SRBD1: variants seen among roughly 807,000 people sequenced by gnomAD.
SRBD1 encodes the protein S1 RNA-binding domain-containing protein 1.
In SRBD1, 88 loss-of-function variants were observed where a neutral mutation model predicts 115.3. That is an observed-to-expected ratio of 0.76 (90% CI 0.64 to 0.91). The LOEUF (loss-of-function observed/expected upper bound fraction) is 0.91. SRBD1 is among the 40% of genes least tolerant of loss of function. The pLI, the probability that SRBD1 is intolerant of heterozygous loss-of-function variation, is 0.00. For synonymous variants in SRBD1, 509 were observed against 407.7 expected (o/e 1.25, Z -2.99); for missense variants, 1,385 against 1,177.4 (o/e 1.18, Z -2.58).
chr2:45,559,659 G>A (rs1449682916), intron 10 of SRBD1, among the ~76,000 whole-genome samples: 2 of 151,872 alleles, frequency 1.3e-5, no homozygotes, highest in Non-Finnish European at 2.9e-5. Flanking sequence ...GGAACTAGAA[G>A]ATTCATCAAG....
chr2:45,393,915 T>G (rs1667074568), intron 19 of SRBD1, among the ~76,000 whole-genome samples: 1 of 152,224 alleles, frequency 6.6e-6, no homozygotes, highest in East Asian at 1.9e-4. Flanking sequence ...CTGTATACCC[T>G]TGATGGCAGT....
At chr2:45,609,099 G>C (rs181220612) in intron 1 of SRBD1, among the ~76,000 whole-genome samples, 1 of 152,064 alleles carries the variant, frequency 6.6e-6, no homozygotes, top group Non-Finnish European at 1.5e-5. Context: ...GAGCCATGGC[G>C]CCTGGCCAGA....
chr2:45,473,939 G>GT (rs780445702), intron 16 of SRBD1, among the ~76,000 whole-genome samples: 21 of 152,158 alleles, frequency 1.4e-4, no homozygotes, highest in Non-Finnish European at 1.5e-4. Context: ...AACGTCCTCT[G>GT]TATCATGTGA....
chr2:45,604,650 C>A (rs1572832681), intron 2 of SRBD1, among the ~76,000 whole-genome samples: 2 of 152,128 alleles, frequency 1.3e-5, no homozygotes, highest in South Asian at 4.2e-4. Flanking sequence ...TTTGGAACAC[C>A]CATCCCCAAG....
intron 14 of SRBD1, among the ~76,000 whole-genome samples, chr2:45,514,160 A>G (rs180671287): frequency 6.6e-6 from 1 of 152,190 alleles, no homozygotes; most frequent in African/African-American, 2.4e-5. Context: ...AGTCTGAATT[A>G]AAGAATTTAC....
At chr2:45,549,673 A>C (rs1672233073) in intron 12 of SRBD1, among the ~76,000 whole-genome samples, 1 of 137,446 alleles carries the variant, frequency 7.3e-6, no homozygotes, top group Middle Eastern at 3.8e-3. Flanking sequence ...CAACATGACG[A>C]AACTCCGTCT....
chr2:45,451,681 A>C (rs546034614), intron 16 of SRBD1, among the ~76,000 whole-genome samples: 7 of 146,968 alleles, frequency 4.8e-5, no homozygotes, highest in Non-Finnish European at 7.4e-5. Flanking sequence ...TATCCTCCAA[A>C]CTTTTTTTTT....
At chr2:45,602,660 G>A (rs1674135914) in intron 2 of SRBD1, among the ~76,000 whole-genome samples, 1 of 152,082 alleles carries the variant, frequency 6.6e-6, no homozygotes, top group Non-Finnish European at 1.5e-5. Flanking sequence ...TGCGACTATA[G>A]TACTTTTCTA....
Position 45,477,047 on chromosome 2 carries a change from T to C in SRBD1, c.1995A>G (p.Pro665=), listed in dbSNP as rs940986758. ...AVSIARRVQD[P]LAELVKIEPK... is the part of the protein sequence containing the mutation. ...GCTCAATTTTCACTAGCTCAGCTAA[T>C]GGATCTTGTACACGCCTTGCTATGG... Residue 665 remains proline, a synonymous_variant, in exon 16 of 21, where the codon CCA becomes CCG. Coordinates refer to ENST00000263736, the MANE Select transcript of SRBD1 (RefSeq NM_018079.5). The C allele has an allele frequency of 3.1e-6, 5 of 1,613,814 alleles. No homozygotes were observed. Among genetic ancestry groups the C allele is most frequent in the African/African-American group, 1.3e-5 (1 of 75,044 alleles).
intron 19 of SRBD1, among the ~76,000 whole-genome samples, chr2:45,401,153 C>A (rs1667282129): frequency 6.6e-6 from 1 of 152,114 alleles, no homozygotes; most frequent in South Asian, 2.1e-4. Flanking sequence ...TAACTACTAA[C>A]AACAACACAC....
chr2:45,390,639 T>G (rs1329279425), intron 20 of SRBD1, among the ~76,000 whole-genome samples: 1 of 152,084 alleles, frequency 6.6e-6, no homozygotes, highest in African/African-American at 2.4e-5. Flanking sequence ...GGCCTCATTT[T>G]CCCCTCCACC....
At chr2:45,507,196 C>T (rs1670824820) in intron 14 of SRBD1, among the ~76,000 whole-genome samples, 2 of 152,094 alleles carry the variant, frequency 1.3e-5, no homozygotes, top group African/African-American at 4.8e-5. Flanking sequence ...TGTATCTCAA[C>T]TGAAATACAA....
intron 14 of SRBD1, among the ~76,000 whole-genome samples, chr2:45,525,613 G>A (rs1671416570): frequency 6.6e-6 from 1 of 151,922 alleles, no homozygotes; most frequent in African/African-American, 2.4e-5. Context: ...AATATGTGGG[G>A]TAATGCAGAT....
chr2:45,456,988 C>T (rs1669175633), intron 16 of SRBD1, among the ~76,000 whole-genome samples: 3 of 151,516 alleles, frequency 2.0e-5, no homozygotes, highest in Admixed American at 1.3e-4. Flanking sequence ...TTTATGAAGC[C>T]GATCCAAAAA....
In SRBD1 at chr2:45,508,544, T is replaced by C. The variant is rs567836128; in HGVS notation, c.1875-20213A>G. On this transcript the variant is annotated intron_variant, in intron 14 of 20. Transcript: ENST00000263736. ...CCTGTTAAGTTTTCCAACTCAAAAT[T>C]AGGACAACTACATGTGAAATTAGTA... 2.0e-5 allele frequency among the ~76,000 whole-genome samples: 3 copies of C among 152,286 alleles called. No individual in the cohort carries two copies. In the South Asian group the frequency reaches 6.2e-4, roughly 32 times the overall value.
At chr2:45,546,637 T>C (rs1055847663) in intron 14 of SRBD1, 95 bp downstream of exon 14, 30 of 1,219,198 alleles carry the variant, frequency 2.5e-5, no homozygotes, top group South Asian at 1.9e-4. Flanking sequence ...GCAAAGAAGA[T>C]GTACATCTTA....
chr2:45,478,732 T>C lies in SRBD1; in HGVS notation c.1967-1657A>G, dbSNP rs185202060. Among the ~76,000 whole-genome samples, 4 of 152,288 alleles carry C rather than the reference T, an allele frequency of 2.6e-5. No homozygotes were observed. The East Asian group carries it at 7.7e-4, about 29-fold the overall frequency. On this transcript the variant is annotated intron_variant, in intron 15 of 20. Transcript: ENST00000263736. Reference sequence around the variant, plus strand: ...TAAATGTGTAATGCAATAAGAATGATTTTCAACACATATACATTGCCAAAA... The same window carrying C: ...TAAATGTGTAATGCAATAAGAATGACTTTCAACACATATACATTGCCAAAA...
intron 4 of SRBD1, among the ~76,000 whole-genome samples, chr2:45,588,391 C>G (rs1673613578): frequency 6.6e-6 from 1 of 152,132 alleles, no homozygotes; most frequent in Non-Finnish European, 1.5e-5. Context: ...GAGGCTCCTC[C>G]CTCTTTAGAA....
At chr2:45,547,382 T>C (rs1672153295) in intron 13 of SRBD1, 140 bp downstream of exon 13, 1 of 650,236 alleles carries the variant, frequency 1.5e-6, no homozygotes, top group East Asian at 2.8e-5. Context: ...CTCCAGCAAT[T>C]TGCCCCAGAA....
Sources: gnomAD v4.1 joint callset for allele counts (sites outside exome capture counted in the v4.1 genomes callset) on GRCh38, gnomAD v4.1.1 for gene constraint, MANE v1.5 for transcripts, NCBI Gene and HGNC (gene_info 2026-07-23, HGNC 2026-07-21) for gene names.